The following CLNK variants were observed in gnomAD, a reference collection of about 807,000 sequenced individuals.
CLNK encodes the protein cytokine dependent hematopoietic cell linker, also known as cytokine-dependent hematopoietic cell linker.
Under a neutral mutation model 68.6 loss-of-function variants are expected in CLNK, and 74 were observed. The observed-to-expected ratio is 1.08, with a 90% CI of 0.89 to 1.31. The LOEUF (loss-of-function observed/expected upper bound fraction) is 1.31. Among genes scored for constraint, CLNK ranks in the 50% most tolerant of loss-of-function variants. The probability of loss-of-function intolerance (pLI) is 0.00; values close to 1 mark genes in which losing one functional copy is unlikely to be tolerated. For synonymous variants in CLNK, 198 were observed against 172.2 expected (o/e 1.15, Z -1.17); for missense variants, 553 against 515.3 (o/e 1.07, Z -0.71).
At chr4:10,659,559 C>T (rs571771707) in intron 2 of CLNK, among the ~76,000 whole-genome samples, 46 of 152,318 alleles carry the variant, frequency 3.0e-4, no homozygotes, top group Non-Finnish European at 5.1e-4. Context: ...TTGACTTTAT[C>T]ATCTCCTTTC....
the CLNK span, among the ~76,000 whole-genome samples, chr4:10,708,707 C>T: frequency 8.5e-5 from 13 of 152,284 alleles, no homozygotes; most frequent in African/African-American, 3.1e-4. Context: ...TTAAGATAAC[C>T]ACTCTGGTGG....
At chr4:10,694,699 C>G in the CLNK span, among the ~76,000 whole-genome samples, 1 of 152,054 alleles carries the variant, frequency 6.6e-6, no homozygotes. Context: ...AGAACTCACC[C>G]GAGTCACTTA....
chr4:10,694,897 C>A, the CLNK span, among the ~76,000 whole-genome samples: 299 of 152,284 alleles, frequency 2.0e-3, 1 homozygote, highest in Middle Eastern at 0.014. Flanking sequence ...TTTTCTAACC[C>A]TAAATAGTGT....
At chr4:10,566,918 A>G (rs961631564) in intron 5 of CLNK, among the ~76,000 whole-genome samples, 14 of 152,166 alleles carry the variant, frequency 9.2e-5, no homozygotes, top group African/African-American at 3.4e-4. Context: ...CAAAATTTGT[A>G]CACTGAAAAC....
At chr4:10,592,870 C>T (rs1721228763) in intron 3 of CLNK, among the ~76,000 whole-genome samples, 1 of 152,038 alleles carries the variant, frequency 6.6e-6, no homozygotes, top group East Asian at 1.9e-4. Context: ...GGATTACAGG[C>T]ACCCACTACC....
intron 14 of CLNK, chr4:10,523,898 G>C: frequency 5.6e-6 from 2 of 359,676 alleles, no homozygotes; most frequent in Non-Finnish European, 1.1e-5. Context: ...GGTGGCATGT[G>C]CCTATAGTTC....
At chr4:10,655,059 C>G (rs1443561474) in intron 2 of CLNK, among the ~76,000 whole-genome samples, 1 of 147,900 alleles carries the variant, frequency 6.8e-6, no homozygotes, top group Non-Finnish European at 1.5e-5. Context: ...CGAGATCACA[C>G]CACTGCACTC....
At chr4:10,668,783 G>A (rs1449867711) in intron 1 of CLNK, among the ~76,000 whole-genome samples, 1 of 152,144 alleles carries the variant, frequency 6.6e-6, no homozygotes, top group Non-Finnish European at 1.5e-5. Flanking sequence ...CCTGCAGGGA[G>A]GGAGCTGTGT....
In CLNK at chr4:10,489,655, C is replaced by T. The variant is rs1266906535; in HGVS notation, c.*812G>A. On this transcript the variant is annotated 3_prime_UTR_variant, in exon 19 of 19. Transcript: ENST00000226951. Reference sequence around the variant, plus strand: ...ATTACAATAAAAGAGAGCTAATATTCACCAACCCAACACCTTTTTTTTTTT... The same window carrying T: ...ATTACAATAAAAGAGAGCTAATATTTACCAACCCAACACCTTTTTTTTTTT... The T allele has an allele frequency of 2.0e-5, 3 of 147,208 alleles. No individual in the cohort carries two copies. The highest frequency in any genetic ancestry group is 3.0e-5 in the Non-Finnish European group (2 of 66,968). 9.1% of individuals were successfully genotyped at this position (147,208 alleles called of 1,614,324 possible).
chr4:10,591,455 G>T (rs1721174716), intron 3 of CLNK, among the ~76,000 whole-genome samples: 1 of 152,236 alleles, frequency 6.6e-6, no homozygotes, highest in African/African-American at 2.4e-5. Context: ...GAGGTCTGGT[G>T]CCTAACACAG....
upstream of CLNK, among the ~76,000 whole-genome samples, chr4:10,687,505 G>C (rs1476142381): frequency 6.6e-6 from 1 of 152,082 alleles, no homozygotes; most frequent in African/African-American, 2.4e-5. Flanking sequence ...AGGCTTCTAA[G>C]AAAGAAAGAA....
intron 14 of CLNK, among the ~76,000 whole-genome samples, chr4:10,524,635 A>C (rs1430156423): frequency 1.3e-5 from 2 of 152,204 alleles, no homozygotes; most frequent in Non-Finnish European, 2.9e-5. Context: ...GCTACTGAAC[A>C]GTGCTTGGGC....
At chr4:10,659,827 C>T (rs1724125204) in intron 2 of CLNK, among the ~76,000 whole-genome samples, 1 of 152,150 alleles carries the variant, frequency 6.6e-6, no homozygotes, top group Non-Finnish European at 1.5e-5. Flanking sequence ...TCTAGGACTT[C>T]CTGATATTGG....
chr4:10,586,892 C>A (rs1262145955), intron 3 of CLNK, among the ~76,000 whole-genome samples: 1 of 152,050 alleles, frequency 6.6e-6, no homozygotes, highest in African/African-American at 2.4e-5. Flanking sequence ...TTCTTTTTTC[C>A]CAAAAGGTTT....
intron 2 of CLNK, among the ~76,000 whole-genome samples, chr4:10,665,618 C>G (rs1724365927): frequency 7.2e-6 from 1 of 138,254 alleles, no homozygotes; most frequent in African/African-American, 2.7e-5. Flanking sequence ...GAGCTGAGAT[C>G]ATGCCACTGC....
intron 1 of CLNK, among the ~76,000 whole-genome samples, chr4:10,675,630 T>C (rs546754696): frequency 6.6e-6 from 1 of 152,336 alleles, no homozygotes; most frequent in African/African-American, 2.4e-5. Flanking sequence ...AAGAAATTGT[T>C]TTGTTCCCAA....
chr4:10,732,731 A>G, the CLNK span, among the ~76,000 whole-genome samples: 222 of 152,188 alleles, frequency 1.5e-3, no homozygotes, highest in South Asian at 5.4e-3. Context: ...GAGGACCAAA[A>G]AAAAAAAAGC....
At chr4:10,704,573 G>A in the CLNK span, among the ~76,000 whole-genome samples, 51 of 152,076 alleles carry the variant, frequency 3.4e-4, no homozygotes, top group Non-Finnish European at 4.1e-4. Context: ...GCTGCAGTAG[G>A]CCCCTGTCTG....
At chr4:10,679,979 A>C (rs1266582733) in intron 1 of CLNK, among the ~76,000 whole-genome samples, 1 of 152,200 alleles carries the variant, frequency 6.6e-6, no homozygotes, top group Non-Finnish European at 1.5e-5. Context: ...GGGATCTAGA[A>C]CTAGAAATAC....
Sources: allele counts gnomAD v4.1 joint callset (sites outside exome capture counted in the v4.1 genomes callset), GRCh38; gene constraint gnomAD v4.1.1; transcripts MANE v1.5; gene names NCBI Gene and HGNC (gene_info 2026-07-23, HGNC 2026-07-21).